The following ODAD3 variants were observed in gnomAD, a reference collection of about 807,000 sequenced individuals.
The protein encoded by ODAD3 is outer dynein arm-docking complex subunit 3.
Under a neutral mutation model 70.9 loss-of-function variants are expected in ODAD3, and 57 were observed. The observed-to-expected ratio is 0.80, with a 90% confidence interval of 0.65 to 1.00. The LOEUF is 1.00. Among genes scored for constraint, ODAD3 ranks in the 50% least tolerant of loss-of-function variants. The probability of loss-of-function intolerance (pLI) is 0.00; values close to 1 mark genes in which losing one functional copy is unlikely to be tolerated. For missense variants in ODAD3, 797 were observed against 763.9 expected (o/e 1.04, Z -0.51); for synonymous variants, 327 against 315.9 (o/e 1.04, Z -0.37).
chr19:11,431,365 G>A (rs1969500351), intron 1 of ODAD3: 1 of 263,122 alleles, frequency 3.8e-6, no homozygotes, highest in Non-Finnish European at 7.5e-6. Context: ...AAAGTTCTAG[G>A]CCCCCTAAAG....
In ODAD3 at chr19:11,422,679, C is replaced by T; in HGVS notation, c.1277+22G>A. ...GGGGCTCAGCCCGCCCCGCCGCCCT[C>T]CCCAGAGCCCCGGTGCCTCACCTCA... On this transcript the variant is annotated intron_variant, in intron 9 of 12. Coordinates refer to ENST00000356392, the MANE Select transcript of ODAD3 (RefSeq NM_145045.5). This position sits in a 1 kb window ranked among gnomAD's most constrained non-coding sequence, Gnocchi z 4.6. The T allele has an allele frequency of 1.2e-6, 2 of 1,609,788 alleles. No individual in the cohort carries two copies. Among genetic ancestry groups the T allele is most frequent in the Admixed American group, 1.7e-5 (1 of 59,932 alleles).
intron 8 of ODAD3, among the ~76,000 whole-genome samples, chr19:11,423,592 T>C (rs945989731): frequency 6.6e-6 from 1 of 152,076 alleles, no homozygotes; most frequent in Admixed American, 6.6e-5. Context: ...AGAGCTGGCA[T>C]GGCAAAGGAG....
Position 11,422,785 on chromosome 19 carries a change from G to A in ODAD3, c.1193C>T (p.Thr398Met). ...CTTCTCCTGCTTCAGCCTCACCAAC[G>A]TCTGCTCGTTCTCGCTCTTGAGCGT... ...LETLKSENEQ[T>M]LVRLKQEKQQ... Residue 398 changes from threonine (T) to methionine (M), a missense_variant, in exon 9 of 13, where the codon ACG becomes ATG. By Grantham distance (81) the Thr-to-Met change is moderately conservative (BLOSUM62 -1). Coordinates refer to ENST00000356392, the MANE Select transcript of ODAD3 (RefSeq NM_145045.5). The surrounding 1 kb of genome is among the most constrained non-coding windows in gnomAD (Gnocchi z 4.6). 3 of 1,611,194 alleles carry A rather than the reference G, an allele frequency of 1.9e-6. No individual in the cohort carries two copies. The highest frequency in any genetic ancestry group is 2.5e-6 in the Non-Finnish European group (3 of 1,179,906).
upstream of ODAD3, chr19:11,435,551 C>T (rs375218728): frequency 1.6e-6 from 1 of 619,482 alleles, no homozygotes; most frequent in South Asian, 1.6e-5. Context: ...CCACTCCTGC[C>T]TCTCCCAACA....
chr19:11,425,202 TGTGTAC>T (rs1402193898), intron 7 of ODAD3, among the ~76,000 whole-genome samples: 2 of 140,026 alleles, frequency 1.4e-5, no homozygotes, highest in African/African-American at 2.9e-5. Flanking sequence ...CATATGTGTA[TGTGTAC>T]ATATGTGTAT....
chr19:11,425,357 ATG>A (rs1969310891), intron 7 of ODAD3, among the ~76,000 whole-genome samples: 1 of 135,364 alleles, frequency 7.4e-6, no homozygotes, highest in South Asian at 2.2e-4. Flanking sequence ...ATATGTGTAT[ATG>A]TACATATGTG....
At chr19:11,434,309 T>C (rs1173829458) in intron 1 of ODAD3, among the ~76,000 whole-genome samples, 1 of 150,150 alleles carries the variant, frequency 6.7e-6, no homozygotes. Flanking sequence ...ACGCCTGTAA[T>C]CCCAGCAGTT....
chr19:11,425,591 A>ATGTGTATG (rs1969342844), intron 7 of ODAD3, among the ~76,000 whole-genome samples: 1 of 140,926 alleles, frequency 7.1e-6, no homozygotes, highest in African/African-American at 2.8e-5. Context: ...ATGTATGTAT[A>ATGTGTATG]TGTGTATATA....
At position 11,424,622 on chromosome 19, in the gene ODAD3, T is replaced by C. The variant is rs1333951450; in HGVS notation, c.964-593A>G. On this transcript the variant is annotated intron_variant, in intron 7 of 12. Transcript: ENST00000356392. The stretch of plus-strand genomic sequence containing the variant: ...ATATATATGTGTATATATACCTATG[T>C]GTATATATGTATATATGTGTATATA... Among the ~76,000 whole-genome samples, 72 of 120,800 alleles carry C rather than the reference T, an allele frequency of 6.0e-4. 1 individual carries two copies. The highest frequency in any genetic ancestry group is 2.8e-3 in the African/African-American group (70 of 24,612). 79.2% of individuals were successfully genotyped at this position (120,800 alleles called of 152,430 possible).
At chr19:11,435,661 T>A, upstream of ODAD3, 1 of 1,295,550 alleles carries the variant, frequency 7.7e-7, no homozygotes, top group Non-Finnish European at 1.0e-6. Flanking sequence ...CCGCGGCTGC[T>A]GGACAAGAGG....
In ODAD3 at chr19:11,420,653, G is replaced by A. The variant is rs552628220; in HGVS notation, c.*182C>T. ...CAACTCTGAGGCCGGGGCGGACCCA[G>A]CTGGGGAGATTTACTGTGGGAACGT... On this transcript the variant is annotated 3_prime_UTR_variant, in exon 13 of 13. Transcript: ENST00000356392. 1 of 607,184 alleles carries A rather than the reference G, an allele frequency of 1.6e-6. No individual in the cohort carries two copies. Among genetic ancestry groups the A allele is most frequent in the African/African-American group, 1.9e-5 (1 of 53,942 alleles). The allele number at this position is 607,184 out of a possible 1,614,324, so 37.6% of individuals were successfully genotyped here.
rs187128475 is a variant in ODAD3 at position 11,425,383 on chromosome 19, A to G, written c.963+761T>C. 4.0e-4 allele frequency among the ~76,000 whole-genome samples: 53 copies of G among 134,014 alleles called. 1 individual carries two copies. Among genetic ancestry groups the G allele is most frequent in the Non-Finnish European group, 6.2e-4 (41 of 66,064 alleles). The allele number at this position is 134,014 out of a possible 152,430, so 87.9% of individuals were successfully genotyped here. A position where few individuals can be genotyped will look rare whatever the true frequency, so the allele number is the denominator to read the frequency against. On this transcript the variant is annotated intron_variant, in intron 7 of 12. Coordinates refer to ENST00000356392, the MANE Select transcript of ODAD3 (RefSeq NM_145045.5). Reference sequence around the variant, plus strand: ...TGTACATATGTGTATATATGTGTGTATGTACATATGTGTATATGTATATAT... The same window carrying G: ...TGTACATATGTGTATATATGTGTGTGTGTACATATGTGTATATGTATATAT...
At chr19:11,425,377 G>GTATATA (rs1599459127) in intron 7 of ODAD3, among the ~76,000 whole-genome samples, 30 of 132,652 alleles carry the variant, frequency 2.3e-4, no homozygotes, top group African/African-American at 9.1e-4. Flanking sequence ...GTGTATATAT[G>GTATATA]TGTGTATGTA....
In ODAD3 at chr19:11,430,444, T is replaced by C. The variant is rs1446554045; in HGVS notation, c.444+255A>G. ...TGGGCCACCGCGCCTGGCTGTGATGTTTTTTTTTTTAACTTGTTTTCCCTA... is the reference window on the plus strand; with the variant it reads ...TGGGCCACCGCGCCTGGCTGTGATGCTTTTTTTTTTAACTTGTTTTCCCTA... On this transcript the variant is annotated intron_variant, in intron 3 of 12. Coordinates refer to ENST00000356392, the MANE Select transcript of ODAD3 (RefSeq NM_145045.5). 6.9e-5 allele frequency: 23 copies of C among 331,936 alleles called. No homozygotes were observed. In the East Asian group the frequency reaches 1.1e-3, roughly 16 times the overall value. The allele number at this position is 331,936 out of a possible 1,614,324, so 20.6% of individuals were successfully genotyped here. A position where few individuals can be genotyped will look rare whatever the true frequency, so the allele number is the denominator to read the frequency against.
chr19:11,431,112 A>G, intron 1 of ODAD3, 92 bp from the exon 2 acceptor site: 4 of 1,458,032 alleles, frequency 2.7e-6, no homozygotes, highest in African/African-American at 2.9e-5. Flanking sequence ...GCAATCATCA[A>G]CTTTTTTTTT....
intron 1 of ODAD3, among the ~76,000 whole-genome samples, chr19:11,431,428 T>G (rs376961789): frequency 2.6e-5 from 4 of 151,878 alleles, no homozygotes; most frequent in African/African-American, 9.7e-5. Context: ...CTTAATATTA[T>G]AAGAATGCAG....
At chr19:11,429,790 G>A (rs904739109) in intron 3 of ODAD3, among the ~76,000 whole-genome samples, 17 of 151,774 alleles carry the variant, frequency 1.1e-4, no homozygotes, top group Admixed American at 8.5e-4. Flanking sequence ...CACCCGCCTC[G>A]GTTTCCCAAA....
upstream of ODAD3, chr19:11,435,405 T>A: frequency 1.3e-5 from 5 of 392,018 alleles, no homozygotes; most frequent in Non-Finnish European, 2.3e-5. Context: ...TTCAGGAACT[T>A]TCTTTCCGGC....
At position 11,421,773 on chromosome 19, in the gene ODAD3, G is replaced by C. The variant is rs1323655974; in HGVS notation, c.1494C>G (p.Asn498Lys). 1 of 1,613,438 alleles carries C rather than the reference G, an allele frequency of 6.2e-7. No homozygotes were observed. Among genetic ancestry groups the C allele is most frequent in the South Asian group, 1.1e-5 (1 of 91,090 alleles). ...GCTTTTCCTCCACGAGGCCCAGCAG[G>C]TTTGGCACATAGTTATCTGCCTGGG... ...LDPQADNYVPNLLGLVEEKLL... is the reference protein window; with the variant it reads ...LDPQADNYVPKLLGLVEEKLL... The change falls in exon 11 of 13, where the codon AAC (asparagine) becomes AAG (lysine). Residue 498 changes from asparagine to lysine, a missense_variant. By Grantham distance (94) the Asn-to-Lys change is moderately conservative (BLOSUM62 0). Transcript: ENST00000356392.
Sources: allele counts gnomAD v4.1 joint callset (sites outside exome capture counted in the v4.1 genomes callset), GRCh38; gene constraint gnomAD v4.1.1; non-coding constraint Gnocchi (gnomAD v3.1); transcripts MANE v1.5; gene names NCBI Gene and HGNC (gene_info 2026-07-23, HGNC 2026-07-21).